Variants in GNAO1 observed in about 807,000 individuals in gnomAD.
The protein encoded by GNAO1 is guanine nucleotide-binding protein G(o) subunit alpha.
For missense variants in GNAO1, 166 were observed against 478.7 expected, an observed-to-expected ratio of 0.35 and a Z score of 6.10; for synonymous variants, 164 against 180.7, an observed-to-expected ratio of 0.91 and a Z score of 0.74.
chr16:56,340,005 C>A (rs1316495785), intron 6 of GNAO1, among the ~76,000 whole-genome samples: 1 of 152,252 alleles, frequency 6.6e-6, no homozygotes, highest in Non-Finnish European at 1.5e-5. Context: ...TCTTGCCCTG[C>A]AATCCACAGG....
At chr16:56,195,075 T>G (rs80168370) in intron 2 of GNAO1, among the ~76,000 whole-genome samples, 1 of 55,808 alleles carries the variant, frequency 1.8e-5, no homozygotes, top group Non-Finnish European at 3.1e-5. Flanking sequence ...TTACTTCTCC[T>G]TTTTTTTTTT....
At chr16:56,215,003 T>C (rs962971929) in intron 2 of GNAO1, among the ~76,000 whole-genome samples, 2 of 152,220 alleles carry the variant, frequency 1.3e-5, no homozygotes, top group Non-Finnish European at 2.9e-5. Context: ...GGACATACCA[T>C]GGTGTAGTGC....
chr16:56,222,060 A>G (rs2036494904), intron 2 of GNAO1, among the ~76,000 whole-genome samples: 1 of 152,222 alleles, frequency 6.6e-6, no homozygotes, highest in Admixed American at 6.5e-5. Context: ...GGAGTTTACA[A>G]GAGTTTTTAA....
chr16:56,344,737 A>G (rs1199127598), intron 6 of GNAO1: 21 of 985,520 alleles, frequency 2.1e-5, no homozygotes, highest in Non-Finnish European at 2.5e-5. Flanking sequence ...TCGCAGGCCA[A>G]AGGGTGACCC....
chr16:56,217,041 C>T (rs975692328), intron 2 of GNAO1, among the ~76,000 whole-genome samples: 4 of 152,164 alleles, frequency 2.6e-5, no homozygotes, highest in Non-Finnish European at 5.9e-5. Context: ...TGAGAGAGGA[C>T]ATCTTTATTG....
intron 1 of GNAO1, 33 bp downstream of exon 1, chr16:56,192,386 A>AC: frequency 8.6e-6 from 7 of 810,728 alleles, no homozygotes; most frequent in African/African-American, 3.2e-5. Context: ...CCATCCCCCG[A>AC]CCCCGGCCAC....
chr16:56,352,338 T>C (rs1358501055), intron 7 of GNAO1: 3 of 152,448 alleles, frequency 2.0e-5, no homozygotes, highest in Non-Finnish European at 2.9e-5. Flanking sequence ...ATGGGCCAAC[T>C]CTGGGCTACT....
intron 3 of GNAO1, among the ~76,000 whole-genome samples, chr16:56,300,130 A>G (rs768111025): frequency 6.6e-6 from 1 of 151,808 alleles, no homozygotes; most frequent in Non-Finnish European, 1.5e-5. Context: ...TAGTGTGTGC[A>G]TGACTACATG....
intron 2 of GNAO1, among the ~76,000 whole-genome samples, chr16:56,220,858 C>A (rs1277531028): frequency 6.6e-6 from 1 of 152,140 alleles, no homozygotes; most frequent in Non-Finnish European, 1.5e-5. Flanking sequence ...AGCAATTCTT[C>A]TGCCTCAGCC....
At chr16:56,208,462 CGTGT>C (rs1245702444) in intron 2 of GNAO1, among the ~76,000 whole-genome samples, 14 of 115,608 alleles carry the variant, frequency 1.2e-4, no homozygotes, top group African/African-American at 4.5e-4. Flanking sequence ...CGCGCGCGCA[CGTGT>C]GTGTGTGTGT....
chr16:56,292,851 G>T (rs1229072206), intron 3 of GNAO1, among the ~76,000 whole-genome samples: 1 of 152,200 alleles, frequency 6.6e-6, no homozygotes, highest in Non-Finnish European at 1.5e-5. Flanking sequence ...GAAGTTTCTT[G>T]ACACTCTGGA....
intron 2 of GNAO1, among the ~76,000 whole-genome samples, chr16:56,221,566 C>T (rs1395556412): frequency 6.7e-6 from 1 of 149,082 alleles, no homozygotes; most frequent in Admixed American, 6.8e-5. Context: ...AGGAGAATCG[C>T]TTGAACCCAG....
chr16:56,337,312 G>A (rs1218869286), intron 6 of GNAO1, among the ~76,000 whole-genome samples: 1 of 152,244 alleles, frequency 6.6e-6, no homozygotes, highest in African/African-American at 2.4e-5. Flanking sequence ...CTGAGGGAGA[G>A]GTGGGGAGGG....
At chr16:56,277,776 TACACACACACAC>T (rs60891936) in intron 3 of GNAO1, among the ~76,000 whole-genome samples, 1,894 of 108,164 alleles carry the variant, frequency 0.018, 58 homozygotes, top group African/African-American at 0.043. Context: ...GCACACCCCC[TACACACACACAC>T]ACACACACAC....
intron 2 of GNAO1, among the ~76,000 whole-genome samples, chr16:56,195,042 C>A (rs896911287): frequency 2.0e-5 from 3 of 147,876 alleles, no homozygotes; most frequent in East Asian, 2.0e-4. Flanking sequence ...AATCAGAAAT[C>A]AGAGCATTTC....
chr16:56,246,678 T>C (rs562142508), intron 2 of GNAO1, among the ~76,000 whole-genome samples: 20 of 152,022 alleles, frequency 1.3e-4, no homozygotes, highest in Non-Finnish European at 1.9e-4. Flanking sequence ...CTGTGGAGCT[T>C]GTTCTCTGTG....
intron 2 of GNAO1, among the ~76,000 whole-genome samples, chr16:56,205,082 G>T (rs979464688): frequency 4.6e-5 from 7 of 152,138 alleles, no homozygotes; most frequent in Non-Finnish European, 8.8e-5. Context: ...AAGAAAACTG[G>T]GACATCAGCT....
At chr16:56,319,288 G>T (rs543795109) in intron 3 of GNAO1, among the ~76,000 whole-genome samples, 3 of 152,282 alleles carry the variant, frequency 2.0e-5, no homozygotes, top group African/African-American at 7.2e-5. Flanking sequence ...TTTCGCTCAG[G>T]TTCTCTTGGT....
intron 6 of GNAO1, among the ~76,000 whole-genome samples, chr16:56,337,590 G>A (rs748028521): frequency 4.6e-5 from 7 of 152,244 alleles, no homozygotes; most frequent in Non-Finnish European, 7.3e-5. Flanking sequence ...GCTTGCTGCT[G>A]AATTTAGGCA....
Sources: gnomAD v4.1 joint callset for allele counts (sites outside exome capture counted in the v4.1 genomes callset) on GRCh38, gnomAD v4.1.1 for gene constraint, MANE v1.5 for transcripts, NCBI Gene and HGNC (gene_info 2026-07-23, HGNC 2026-07-21) for gene names.